The following STXBP5L variants were observed in gnomAD, a reference collection of about 807,000 sequenced individuals.
STXBP5L encodes syntaxin binding protein 5L, also known as syntaxin-binding protein 5-like.
A neutral mutation model predicts 144.5 loss-of-function variants in STXBP5L; 65 were observed. The observed-to-expected ratio is 0.45, with a 90% CI of 0.37 to 0.55. STXBP5L has a LOEUF of 0.55. Among genes scored for constraint, STXBP5L ranks in the 20% least tolerant of loss-of-function variants. STXBP5L has a pLI of 0.00. For missense variants in STXBP5L, 1,298 were observed against 1,405.5 expected, an observed-to-expected ratio of 0.92 and a Z score of 1.22; for synonymous variants, 505 against 469.6, an observed-to-expected ratio of 1.08 and a Z score of -0.97.
intron 20 of STXBP5L, among the ~76,000 whole-genome samples, chr3:121,348,230 G>A (rs541457777): frequency 3.2e-4 from 49 of 152,088 alleles, no homozygotes; most frequent in East Asian, 7.7e-4. Context: ...GGTTTTTGTC[G>A]TTGGTTCTGT....
chr3:121,041,928 T>G, intron 4 of STXBP5L, 147 bp downstream of exon 4: 1 of 575,622 alleles, frequency 1.7e-6, no homozygotes. Flanking sequence ...CACAAAAGAC[T>G]GTACTCCTGT....
chr3:121,169,611 T>C (rs796313468), intron 9 of STXBP5L, among the ~76,000 whole-genome samples: 5 of 152,270 alleles, frequency 3.3e-5, no homozygotes, highest in African/African-American at 1.2e-4. Flanking sequence ...GGGCATTACA[T>C]AATGGTAAAG....
chr3:121,263,227 A>G (rs577223784), intron 18 of STXBP5L, among the ~76,000 whole-genome samples: 1 of 152,294 alleles, frequency 6.6e-6, no homozygotes, highest in South Asian at 2.1e-4. Flanking sequence ...CAGCAGAGGG[A>G]CCTGACTATT....
At chr3:120,963,889 A>G (rs1437658301) in intron 3 of STXBP5L, among the ~76,000 whole-genome samples, 2 of 152,148 alleles carry the variant, frequency 1.3e-5, no homozygotes, top group African/African-American at 2.4e-5. Context: ...TCTGCTTTGA[A>G]TCCGTCTGGT....
chr3:121,316,520 T>C (rs1370832384), intron 19 of STXBP5L, among the ~76,000 whole-genome samples: 1 of 152,196 alleles, frequency 6.6e-6, no homozygotes, highest in East Asian at 1.9e-4. Context: ...TTTGGAGAAT[T>C]GATGTAATAG....
chr3:121,208,102 G>C (rs546514912), intron 10 of STXBP5L, among the ~76,000 whole-genome samples: 2 of 152,302 alleles, frequency 1.3e-5, no homozygotes, highest in East Asian at 3.9e-4. Context: ...ATCAGTGATA[G>C]ACTGGATTAA....
chr3:121,233,491 G>T (rs1467168023), intron 11 of STXBP5L, 125 bp from the exon 12 acceptor site: 2 of 554,284 alleles, frequency 3.6e-6, no homozygotes, highest in Non-Finnish European at 5.9e-6. Context: ...TTCTTACTTT[G>T]GCTTATAGTT....
intron 5 of STXBP5L, among the ~76,000 whole-genome samples, chr3:121,071,227 A>G (rs2041799195): frequency 6.6e-6 from 1 of 152,246 alleles, no homozygotes; most frequent in African/African-American, 2.4e-5. Flanking sequence ...CAGCATTTGC[A>G]AAGATAACAT....
chr3:120,910,580 A>G (rs1195859719), intron 2 of STXBP5L, among the ~76,000 whole-genome samples: 3 of 152,164 alleles, frequency 2.0e-5, no homozygotes, highest in Non-Finnish European at 4.4e-5. Flanking sequence ...TAAGTTATTT[A>G]TGTCATATAA....
chr3:121,030,692 C>T (rs1029239326), intron 3 of STXBP5L, among the ~76,000 whole-genome samples: 2 of 152,000 alleles, frequency 1.3e-5, no homozygotes, highest in Admixed American at 6.6e-5. Flanking sequence ...CATATAAATT[C>T]CCAGAATTCC....
At chr3:121,406,190 C>T (rs1280070716) in intron 22 of STXBP5L, among the ~76,000 whole-genome samples, 2 of 151,980 alleles carry the variant, frequency 1.3e-5, no homozygotes, top group Non-Finnish European at 2.9e-5. Flanking sequence ...CTGCCGTTAC[C>T]CTTATATACA....
chr3:120,976,412 G>T (rs1489121260), intron 3 of STXBP5L, among the ~76,000 whole-genome samples: 1 of 152,030 alleles, frequency 6.6e-6, no homozygotes, highest in Non-Finnish European at 1.5e-5. Flanking sequence ...ATTTTTCATT[G>T]TGTCTATTTG....
intron 20 of STXBP5L, among the ~76,000 whole-genome samples, chr3:121,336,465 C>G (rs1181798049): frequency 6.6e-6 from 1 of 152,070 alleles, no homozygotes; most frequent in African/African-American, 2.4e-5. Flanking sequence ...CCACTGCACC[C>G]CAGCCTGGGC....
At chr3:121,374,787 G>T (rs2046134141) in intron 20 of STXBP5L, among the ~76,000 whole-genome samples, 1 of 152,052 alleles carries the variant, frequency 6.6e-6, no homozygotes, top group South Asian at 2.1e-4. Flanking sequence ...TGTTGTGGAG[G>T]GAGGAAAAGA....
chr3:121,004,138 G>A (rs1353343916), intron 3 of STXBP5L, among the ~76,000 whole-genome samples: 1 of 152,088 alleles, frequency 6.6e-6, no homozygotes, highest in African/African-American at 2.4e-5. Flanking sequence ...AATTACCTTG[G>A]GCAGTATGGC....
chr3:121,390,279 G>A (rs904856900), intron 22 of STXBP5L, among the ~76,000 whole-genome samples: 4 of 152,040 alleles, frequency 2.6e-5, no homozygotes, highest in African/African-American at 2.4e-5. Context: ...GCCTATGTGC[G>A]TCTTTGCATG....
At position 121,125,375 on chromosome 3, in the gene STXBP5L, G is replaced by T. The variant is rs113461682; in HGVS notation, c.669+3671G>T. On this transcript the variant is annotated intron_variant, in intron 7 of 26. Coordinates refer to ENST00000471454, the MANE Select transcript of STXBP5L (RefSeq NM_001308330.2). The stretch of plus-strand genomic sequence containing the variant: ...TAGTCCCAGCTACTTGGAAGCTGAA[G>T]CAAGAGAATTGCTTGAACCCAGGAG... 1.6e-4 allele frequency among the ~76,000 whole-genome samples: 24 copies of T among 152,166 alleles called. 2 individuals are homozygous for T. The highest frequency in any genetic ancestry group is 6.5e-4 in the Admixed American group (10 of 15,272).
At chr3:121,061,692 T>A (rs1035911633) in intron 5 of STXBP5L, among the ~76,000 whole-genome samples, 1 of 152,244 alleles carries the variant, frequency 6.6e-6, no homozygotes, top group Non-Finnish European at 1.5e-5. Context: ...TTAGCTCTTC[T>A]TGTTGCATTG....
chr3:121,105,395 A>AAAATAAAT (rs573583424), intron 5 of STXBP5L, among the ~76,000 whole-genome samples: 9 of 149,744 alleles, frequency 6.0e-5, no homozygotes, highest in African/African-American at 2.0e-4. Flanking sequence ...ACTCTGTCTC[A>AAAATAAAT]AAATAAATAA....
Sources: allele counts gnomAD v4.1 joint callset (sites outside exome capture counted in the v4.1 genomes callset), GRCh38; gene constraint gnomAD v4.1.1; transcripts MANE v1.5; gene names NCBI Gene and HGNC (gene_info 2026-07-23, HGNC 2026-07-21).